The following ASIC1 variants were observed in gnomAD, a reference collection of about 807,000 sequenced individuals.
The protein encoded by ASIC1 is acid-sensing ion channel 1.
A neutral mutation model predicts 63.4 loss-of-function variants in ASIC1; 21 were observed. The ratio of observed to expected loss-of-function variants is 0.33; its 90% CI spans 0.23 to 0.48. The LOEUF is 0.48. Ranked by LOEUF, ASIC1 falls within the 20% of genes least tolerant of loss-of-function variation. The probability of loss-of-function intolerance (pLI) is 0.99; values close to 1 mark genes in which losing one functional copy is unlikely to be tolerated. For synonymous variants in ASIC1, 258 were observed against 278.2 expected, an observed-to-expected ratio of 0.93 and a Z score of 0.72; for missense variants, 478 against 695.5, an observed-to-expected ratio of 0.69 and a Z score of 3.52.
At chr12:50,068,057 A>G (rs997000358) in intron 3 of ASIC1, among the ~76,000 whole-genome samples, 3 of 152,206 alleles carry the variant, frequency 2.0e-5, no homozygotes, top group African/African-American at 7.2e-5. Context: ...TTCTAACAGT[A>G]TAGATCAATT....
Position 50,079,791 on chromosome 12 carries a change from G to A in ASIC1, c.1052-111G>A, listed in dbSNP as rs537609074. Reference sequence around the variant, plus strand: ...CCAGGCAGGGTGAAGGGCAGGTCACGGAAAGAGAAAGGGGCCCAGAGTTTC... The same window carrying A: ...CCAGGCAGGGTGAAGGGCAGGTCACAGAAAGAGAAAGGGGCCCAGAGTTTC... On this transcript the variant is annotated intron_variant, in intron 7 of 11. Coordinates refer to ENST00000447966, the MANE Select transcript of ASIC1 (RefSeq NM_001095.4). 7.4e-5 allele frequency: 99 copies of A among 1,340,408 alleles called. 1 individual carries two copies. The highest frequency in any genetic ancestry group is 7.1e-4 in the South Asian group (49 of 68,918). The allele number at this position is 1,340,408 out of a possible 1,614,324, so 83.0% of individuals were successfully genotyped here.
At chr12:50,068,241 A>G (rs1183604951) in intron 3 of ASIC1, among the ~76,000 whole-genome samples, 1 of 152,124 alleles carries the variant, frequency 6.6e-6, no homozygotes, top group Non-Finnish European at 1.5e-5. Context: ...TCATTATATG[A>G]ATATGCCACA....
intron 3 of ASIC1, among the ~76,000 whole-genome samples, chr12:50,067,986 C>T (rs1950562207): frequency 1.3e-5 from 2 of 152,136 alleles, no homozygotes; most frequent in South Asian, 4.1e-4. Flanking sequence ...ATTTCCAGTA[C>T]CCCAGAAAGT....
rs114145431 is a variant in ASIC1, at chr12:50,068,200, G to T, written c.558+8246G>T. On this transcript the variant is annotated intron_variant, in intron 3 of 11. Transcript: ENST00000447966. ...TAGCCATGTTGTTGTGTGTGGAAGT[G>T]GTTAGTTCTTTTTTGATGCTGTATA... 4.3e-3 allele frequency among the ~76,000 whole-genome samples: 648 copies of T among 152,148 alleles called. 4 individuals are homozygous for T. Among genetic ancestry groups the T allele is most frequent in the African/African-American group, 0.015 (622 of 41,506 alleles).
Position 50,058,810 on chromosome 12 carries a change from C to CGGT in ASIC1, c.46_48dup (p.Val16dup). 6.2e-7 allele frequency: 1 copy of CGGT among 1,602,414 alleles called. No homozygotes were observed. Among genetic ancestry groups the CGGT allele is most frequent in the South Asian group, 1.1e-5 (1 of 90,164 alleles). On this transcript the variant is annotated inframe_insertion, in exon 2 of 12. Coordinates refer to ENST00000447966, the MANE Select transcript of ASIC1 (RefSeq NM_001095.4). Reference sequence around the variant, plus strand: ...GAGGAGGAGGTGGGTGGCGTCCAGCCGGTGAGCATCCAGGCCTTCGCCAGC... The same window carrying CGGT: ...GAGGAGGAGGTGGGTGGCGTCCAGCCGGTGGTGAGCATCCAGGCCTTCGCCAGC...
Position 50,059,972 on chromosome 12 carries a change from G to C in ASIC1, c.558+18G>C. 6.2e-7 allele frequency: 1 copy of C among 1,611,680 alleles called. No individual in the cohort carries two copies. Among genetic ancestry groups the C allele is most frequent in the East Asian group, 2.2e-5 (1 of 44,846 alleles). On this transcript the variant is annotated intron_variant, in intron 3 of 11. Transcript: ENST00000447966. This position sits in a 1 kb window ranked among gnomAD's most constrained non-coding sequence, Gnocchi z 4.6. ...TCAAGGTGGTGAGTCCCCTCGTGTG[G>C]GGTGTGAGTCAGCCTGGCCCACAGA... is the stretch of plus-strand genomic sequence containing the variant.
intron 3 of ASIC1, among the ~76,000 whole-genome samples, chr12:50,063,622 G>A (rs1413773420): frequency 1.3e-5 from 2 of 152,088 alleles, no homozygotes; most frequent in East Asian, 3.9e-4. Flanking sequence ...ATCTCCCAGG[G>A]AAGAGGTGGA....
At position 50,078,655 on chromosome 12, in the gene ASIC1, A is replaced by G; in HGVS notation, c.994+78A>G. ...CTTCACTAGCTCCCCATCCATATCA[A>G]TCTCCCAACCCCAGTTCCAGCCCAC... On this transcript the variant is annotated intron_variant, in intron 6 of 11. Coordinates refer to ENST00000447966, the MANE Select transcript of ASIC1 (RefSeq NM_001095.4). The surrounding 1 kb of genome is among the most constrained non-coding windows in gnomAD (Gnocchi z 6.0). 1 of 1,584,328 alleles carries G rather than the reference A, an allele frequency of 6.3e-7. No homozygotes were observed. The highest frequency in any genetic ancestry group is 8.6e-7 in the Non-Finnish European group (1 of 1,162,148).
In ASIC1 at chr12:50,078,202, TG is replaced by T; in HGVS notation, c.837+78del. 1 of 1,559,954 alleles carries T rather than the reference TG, an allele frequency of 6.4e-7. No individual in the cohort carries two copies. The highest frequency in any genetic ancestry group is 8.6e-7 in the Non-Finnish European group (1 of 1,156,114). ...AGATGGAGTGGTGGGCAATCAGTAA[TG>T]GGAAGGACAGGTGAGCAAGGACCTG... On this transcript the variant is annotated intron_variant, in intron 5 of 11. Coordinates refer to ENST00000447966, the MANE Select transcript of ASIC1 (RefSeq NM_001095.4). This position sits in a 1 kb window ranked among gnomAD's most constrained non-coding sequence, Gnocchi z 6.0.
intron 3 of ASIC1, among the ~76,000 whole-genome samples, chr12:50,063,498 G>A (rs1357046298): frequency 6.6e-6 from 1 of 152,176 alleles, no homozygotes; most frequent in African/African-American, 2.4e-5. Flanking sequence ...GGAAATGCTG[G>A]GGTGGACATG....
At position 50,082,476 on chromosome 12, in the gene ASIC1, T is replaced by C. The variant is rs1195274965; in HGVS notation, c.*827T>C. ...AGAGGGCCACGTCCATAAATTTTCT[T>C]ATGGAACTCTCCCACATCCTCTTCC... On this transcript the variant is annotated 3_prime_UTR_variant, in exon 12 of 12. Coordinates refer to ENST00000447966, the MANE Select transcript of ASIC1 (RefSeq NM_001095.4). 6.6e-6 allele frequency: 1 copy of C among 152,444 alleles called. No homozygotes were observed. Among genetic ancestry groups the C allele is most frequent in the South Asian group, 2.1e-4 (1 of 4,834 alleles). The allele number at this position is 152,444 out of a possible 1,614,324, so 9.4% of individuals were successfully genotyped here. A position where few individuals can be genotyped will look rare whatever the true frequency, so the allele number is the denominator to read the frequency against.
chr12:50,082,010 C>T lies in ASIC1; in HGVS notation c.*361C>T. On this transcript the variant is annotated 3_prime_UTR_variant, in exon 12 of 12. Coordinates refer to ENST00000447966, the MANE Select transcript of ASIC1 (RefSeq NM_001095.4). ...TTCTGCTGCCACCAGTCACCAAAGG[C>T]CCTTCCCAGTGAGGGGTGGAAGGGA... 7.8e-6 allele frequency: 2 copies of T among 257,444 alleles called. No homozygotes were observed. The highest frequency in any genetic ancestry group is 1.0e-4 in the East Asian group (1 of 9,624). The allele number at this position is 257,444 out of a possible 1,614,324, so 15.9% of individuals were successfully genotyped here. A position where few individuals can be genotyped will look rare whatever the true frequency, so the allele number is the denominator to read the frequency against.
In ASIC1 at chr12:50,074,214, G is replaced by A; in HGVS notation, c.559-2999G>A. The A allele has an allele frequency of 6.6e-7, 1 of 1,508,198 alleles. No individual in the cohort carries two copies. The highest frequency in any genetic ancestry group is 8.8e-7 in the Non-Finnish European group (1 of 1,131,886). 93.4% of individuals were successfully genotyped at this position (1,508,198 alleles called of 1,614,324 possible). ...TGCTGCTCTATTGCTCCTACCAAGG[G>A]GGACCCTGCGGCCCTCACAACTTCT... is the stretch of plus-strand genomic sequence containing the variant. On this transcript the variant is annotated intron_variant, in intron 3 of 11. Coordinates refer to ENST00000447966, the MANE Select transcript of ASIC1 (RefSeq NM_001095.4). This position sits in a 1 kb window ranked among gnomAD's most constrained non-coding sequence, Gnocchi z 4.2.
intron 3 of ASIC1, among the ~76,000 whole-genome samples, chr12:50,071,698 T>G (rs1301064944): frequency 2.6e-5 from 4 of 152,112 alleles, no homozygotes; most frequent in East Asian, 3.9e-4. Context: ...CAGGCTGGAG[T>G]GCAGTGGTGC....
intron 1 of ASIC1, among the ~76,000 whole-genome samples, chr12:50,058,250 A>G (rs897435127): frequency 6.6e-6 from 1 of 151,964 alleles, no homozygotes; most frequent in East Asian, 1.9e-4. Flanking sequence ...GCCCCTCCCT[A>G]GATGTAGCCA....
chr12:50,079,756 A>T, intron 7 of ASIC1, 146 bp from the exon 8 acceptor site: 1 of 1,015,852 alleles, frequency 9.8e-7, no homozygotes, highest in Non-Finnish European at 1.4e-6. Flanking sequence ...ATGTTGGCAG[A>T]GTTTAGCATC....
chr12:50,074,100 C>T lies in ASIC1; in HGVS notation c.559-3113C>T. ...ATGAAAGTGATGACCCCGGGGTGCC[C>T]CTCGCTCCACCGGGCCCTGAGGCCT... On this transcript the variant is annotated intron_variant, in intron 3 of 11. Coordinates refer to ENST00000447966, the MANE Select transcript of ASIC1 (RefSeq NM_001095.4). This position sits in a 1 kb window ranked among gnomAD's most constrained non-coding sequence, Gnocchi z 4.2. 1.3e-6 allele frequency: 2 copies of T among 1,535,584 alleles called. No individual in the cohort carries two copies. The highest frequency in any genetic ancestry group is 8.7e-7 in the Non-Finnish European group (1 of 1,146,586).
chr12:50,080,539 A>G lies in ASIC1; in HGVS notation c.1247A>G (p.Asn416Ser), dbSNP rs756804645. Reference protein sequence around the residue: ...LVLDIFFEVLNYETIEQKKAY... With the variant: ...LVLDIFFEVLSYETIEQKKAY... ...CTGGACATTTTCTTTGAAGTCCTCA[A>G]CTATGAGACCATTGAACAGAAGAAG... Residue 416 changes from asparagine (N) to serine (S), a missense_variant, in exon 9 of 12, where the codon AAC (asparagine) becomes AGC (serine). Physicochemically the swap from Asn to Ser is conservative, Grantham distance 46. Transcript: ENST00000447966. 1.2e-6 allele frequency: 2 copies of G among 1,614,204 alleles called. No individual in the cohort carries two copies. Among genetic ancestry groups the G allele is most frequent in the Non-Finnish European group, 1.7e-6 (2 of 1,180,042 alleles).
Position 50,071,803 on chromosome 12 carries a change from A to G in ASIC1, c.559-5410A>G, listed in dbSNP as rs373701117. 1.3e-4 allele frequency among the ~76,000 whole-genome samples: 20 copies of G among 152,274 alleles called. No homozygotes were observed. In the East Asian group the frequency reaches 3.7e-3, roughly 28 times the overall value. ...TGGAACTACAGGTGCGTGCCACCAT[A>G]CCTGGCTAGAGAAGGTCTTTAAGCA... On this transcript the variant is annotated intron_variant, in intron 3 of 11. Coordinates refer to ENST00000447966, the MANE Select transcript of ASIC1 (RefSeq NM_001095.4).
Sources: allele counts gnomAD v4.1 joint callset (sites outside exome capture counted in the v4.1 genomes callset), GRCh38; gene constraint gnomAD v4.1.1; non-coding constraint Gnocchi (gnomAD v3.1); transcripts MANE v1.5; gene names NCBI Gene and HGNC (gene_info 2026-07-23, HGNC 2026-07-21).